AGBL4: variants seen among roughly 807,000 people sequenced by gnomAD.
AGBL4 encodes the protein AGBL carboxypeptidase 4.
In AGBL4, 58 loss-of-function variants were observed where a neutral mutation model predicts 66.4. The observed-to-expected ratio is 0.87, with a 90% CI of 0.71 to 1.09. The LOEUF is 1.09. Ranked by LOEUF, AGBL4 falls within the 50% of genes least tolerant of loss-of-function variation. The pLI is 0.00. For missense variants in AGBL4, 579 were observed against 631.0 expected (o/e 0.92, Z 0.88); for synonymous variants, 234 against 222.9 (o/e 1.05, Z -0.44).
intron 5 of AGBL4, among the ~76,000 whole-genome samples, chr1:49,020,050 G>T (rs1386117069): frequency 6.6e-6 from 1 of 152,140 alleles, no homozygotes; most frequent in African/African-American, 2.4e-5. Context: ...GGGTTATTTT[G>T]CAAATGTGCA....
At chr1:48,564,204 T>C (rs2803269) in intron 11 of AGBL4, among the ~76,000 whole-genome samples, 84,552 of 151,864 alleles carry the variant, frequency 0.56, 23,732 homozygotes, top group Middle Eastern at 0.7. Context: ...TCTCTTCTTG[T>C]TGCTATCCAA....
At chr1:49,793,556 T>C (rs1644656582) in intron 2 of AGBL4, among the ~76,000 whole-genome samples, 1 of 152,010 alleles carries the variant, frequency 6.6e-6, no homozygotes. Context: ...TTGACATCCA[T>C]ATTTCTGGCT....
At chr1:49,341,097 C>T (rs897942273) in intron 3 of AGBL4, among the ~76,000 whole-genome samples, 2 of 152,140 alleles carry the variant, frequency 1.3e-5, no homozygotes, top group African/African-American at 4.8e-5. Context: ...ATGCCCTAAT[C>T]TATGTATTGA....
chr1:49,209,137 A>G (rs891737569), intron 4 of AGBL4, among the ~76,000 whole-genome samples: 7 of 152,110 alleles, frequency 4.6e-5, no homozygotes, highest in Non-Finnish European at 1.0e-4. Flanking sequence ...ATGTTTCACC[A>G]ATTTAATATT....
chr1:49,436,053 G>A (rs773485118), intron 3 of AGBL4, among the ~76,000 whole-genome samples: 6 of 152,140 alleles, frequency 3.9e-5, no homozygotes, highest in Admixed American at 6.5e-5. Flanking sequence ...TGATTAGAGA[G>A]GAGTTTCTGG....
intron 4 of AGBL4, among the ~76,000 whole-genome samples, chr1:49,193,515 C>A (rs1647163118): frequency 6.7e-6 from 1 of 150,026 alleles, no homozygotes; most frequent in Admixed American, 6.7e-5. Context: ...TTTGAGAGTT[C>A]TTCTTGGTAT....
At chr1:49,783,991 CAAAG>C (rs1395714619) in intron 2 of AGBL4, among the ~76,000 whole-genome samples, 2 of 151,824 alleles carry the variant, frequency 1.3e-5, no homozygotes, top group Non-Finnish European at 1.5e-5. Context: ...GAAAAGTAAA[CAAAG>C]AAAATGTAAA....
chr1:49,935,781 C>G (rs1031882714), intron 1 of AGBL4, among the ~76,000 whole-genome samples: 15 of 152,236 alleles, frequency 9.9e-5, no homozygotes, highest in Admixed American at 4.6e-4. Flanking sequence ...AGGGTCCTGT[C>G]TGTTAGATGG....
At chr1:49,919,449 C>A (rs1482797820) in intron 1 of AGBL4, among the ~76,000 whole-genome samples, 1 of 152,114 alleles carries the variant, frequency 6.6e-6, no homozygotes, top group Admixed American at 6.5e-5. Context: ...CAATAACAGA[C>A]AAACAGAGAG....
intron 1 of AGBL4, among the ~76,000 whole-genome samples, chr1:49,875,134 TTTTA>T (rs1489484334): frequency 3.4e-5 from 5 of 147,514 alleles, no homozygotes; most frequent in Admixed American, 6.9e-5. Context: ...ATTTCTTTTT[TTTTA>T]TTATTACTAT....
chr1:48,681,155 C>A (rs948730935), intron 6 of AGBL4, among the ~76,000 whole-genome samples: 2 of 152,230 alleles, frequency 1.3e-5, no homozygotes, highest in African/African-American at 4.8e-5. Context: ...GGTATACTAT[C>A]TGGCCTTGGG....
intron 3 of AGBL4, among the ~76,000 whole-genome samples, chr1:49,458,383 A>C (rs1275887871): frequency 6.6e-6 from 1 of 151,742 alleles, no homozygotes; most frequent in Non-Finnish European, 1.5e-5. Context: ...AGTGCTACTA[A>C]TTTGTGTGCA....
At chr1:49,242,436 T>G (rs1004580095) in intron 4 of AGBL4, among the ~76,000 whole-genome samples, 1 of 151,988 alleles carries the variant, frequency 6.6e-6, no homozygotes, top group Non-Finnish European at 1.5e-5. Context: ...AACAGTAAAC[T>G]TGGAATCATG....
intron 1 of AGBL4, among the ~76,000 whole-genome samples, chr1:49,948,472 AATAT>A (rs1373735952): frequency 8.0e-6 from 1 of 124,490 alleles, no homozygotes; most frequent in Non-Finnish European, 1.6e-5. Flanking sequence ...TAAATATATA[AATAT>A]ATAAATATAA....
chr1:49,313,270 A>T (rs886244398), intron 3 of AGBL4, among the ~76,000 whole-genome samples: 1 of 152,128 alleles, frequency 6.6e-6, no homozygotes, highest in African/African-American at 2.4e-5. Context: ...TAACCAGTCT[A>T]TCATTGATGA....
At chr1:48,712,189 G>A (rs1646978127) in intron 6 of AGBL4, among the ~76,000 whole-genome samples, 1 of 152,190 alleles carries the variant, frequency 6.6e-6, no homozygotes, top group Non-Finnish European at 1.5e-5. Context: ...TAGTGTGTGT[G>A]GGCTTTCCAC....
intron 5 of AGBL4, among the ~76,000 whole-genome samples, chr1:49,008,123 A>G (rs1200139939): frequency 6.6e-6 from 1 of 152,102 alleles, no homozygotes; most frequent in Non-Finnish European, 1.5e-5. Context: ...TGCTGTATTC[A>G]GGAAACCCAT....
At chr1:48,829,574 A>G (rs1646503984) in intron 6 of AGBL4, among the ~76,000 whole-genome samples, 1 of 152,182 alleles carries the variant, frequency 6.6e-6, no homozygotes. Flanking sequence ...GTTCTGTCTC[A>G]TATTATTCCT....
At chr1:49,627,015 A>G (rs964829701) in intron 3 of AGBL4, among the ~76,000 whole-genome samples, 1 of 152,176 alleles carries the variant, frequency 6.6e-6, no homozygotes, top group Non-Finnish European at 1.5e-5. Flanking sequence ...CTGTGGTATT[A>G]TTCAATAGCA....
Sources: allele counts gnomAD v4.1 joint callset (sites outside exome capture counted in the v4.1 genomes callset), GRCh38; gene constraint gnomAD v4.1.1; transcripts MANE v1.5; gene names NCBI Gene and HGNC (gene_info 2026-07-23, HGNC 2026-07-21).